The following COL24A1 variants were observed in gnomAD, a reference collection of about 807,000 sequenced individuals.
COL24A1 encodes collagen alpha-1(XXIV) chain.
COL24A1 carries 224 observed loss-of-function variants against 253.9 expected under a neutral mutation model. The observed-to-expected ratio is 0.88, with a 90% confidence interval of 0.79 to 0.99. COL24A1 has a LOEUF of 0.99. COL24A1 is among the 50% of genes least tolerant of loss of function. The pLI, the probability that COL24A1 is intolerant of heterozygous loss-of-function variation, is 0.00. For missense variants in COL24A1, 2,131 were observed against 2,068.5 expected, an observed-to-expected ratio of 1.03 and a Z score of -0.59; for synonymous variants, 685 against 673.7, an observed-to-expected ratio of 1.02 and a Z score of -0.26.
chr1:85,866,020 T>C (rs1171358715), intron 37 of COL24A1, among the ~76,000 whole-genome samples: 1 of 152,248 alleles, frequency 6.6e-6, no homozygotes, highest in Non-Finnish European at 1.5e-5. Context: ...CCCAGCACTT[T>C]GGGAGGCCAA....
At chr1:86,059,442 T>C (rs1700912883) in intron 8 of COL24A1, among the ~76,000 whole-genome samples, 1 of 152,140 alleles carries the variant, frequency 6.6e-6, no homozygotes, top group Non-Finnish European at 1.5e-5. Context: ...AACAGACATT[T>C]ATTCTAGAGG....
chr1:85,851,816 G>A (rs114342555), intron 37 of COL24A1, among the ~76,000 whole-genome samples: 67 of 152,016 alleles, frequency 4.4e-4, no homozygotes, highest in African/African-American at 1.6e-3. Flanking sequence ...CTTATATTTT[G>A]TTCATTCCAT....
chr1:86,121,977 A>C (rs1177009301), intron 3 of COL24A1, among the ~76,000 whole-genome samples: 1 of 152,120 alleles, frequency 6.6e-6, no homozygotes, highest in Non-Finnish European at 1.5e-5. Flanking sequence ...AAGTAGGAAA[A>C]ACCAGGCTGG....
rs544295542 is a variant in COL24A1, at chr1:85,961,232, G to A, written c.2562+17C>T. The A allele has an allele frequency of 1.3e-6, 2 of 1,554,908 alleles. No individual in the cohort carries two copies. The highest frequency in any genetic ancestry group is 1.1e-5 in the South Asian group (1 of 88,984). On this transcript the variant is annotated intron_variant, in intron 24 of 59. Coordinates refer to ENST00000370571, the MANE Select transcript of COL24A1 (RefSeq NM_152890.7). The stretch of plus-strand genomic sequence containing the variant: ...GCTTACAGCTGATTAAAAAATAAGA[G>A]CATAAAATAAGCTTACTGTTTCACC...
chr1:86,132,637 T>G lies in COL24A1; in HGVS notation c.122-6423A>C, dbSNP rs186822711. ...TTAAATAGGGAATCCTTTCCCCATT[T>G]CTTGTTTTTGTCAGATTTGTTAAAG... On this transcript the variant is annotated intron_variant, in intron 2 of 59. Transcript: ENST00000370571. Among the ~76,000 whole-genome samples the G allele has an allele frequency of 1.5e-3, 229 of 152,274 alleles. 1 individual carries two copies. Among genetic ancestry groups the G allele is most frequent in the African/African-American group, 5.3e-3 (221 of 41,552 alleles).
rs543765863 is a variant in COL24A1 at position 86,068,567 on chromosome 1, C to T, written c.1708-4808G>A. Among the ~76,000 whole-genome samples the T allele has an allele frequency of 4.6e-5, 7 of 152,246 alleles. No individual in the cohort carries two copies. In the East Asian group the frequency reaches 1.4e-3, roughly 29 times the overall value. On this transcript the variant is annotated intron_variant, in intron 7 of 59. Transcript: ENST00000370571. ...GGACACGACAACTGCAAATCCTAGG[C>T]TATTCCTAGTGCTAGGCTGGGCTTA...
At chr1:85,875,245 TAG>T (rs763751285) in intron 34 of COL24A1, 30 bp downstream of exon 34, 1 of 1,598,722 alleles carries the variant, frequency 6.3e-7, no homozygotes, top group Non-Finnish European at 8.6e-7. Flanking sequence ...GGTGAAAGTT[TAG>T]AGATTCTCCT....
chr1:85,784,791 T>C lies in COL24A1; in HGVS notation c.4060-425A>G, dbSNP rs562517133. Among the ~76,000 whole-genome samples the C allele has an allele frequency of 5.9e-5, 9 of 152,154 alleles. No homozygotes were observed. In the East Asian group the frequency reaches 1.4e-3, roughly 23 times the overall value. On this transcript the variant is annotated intron_variant, in intron 48 of 59. Coordinates refer to ENST00000370571, the MANE Select transcript of COL24A1 (RefSeq NM_152890.7). ...TGTTGCCCAGGCTGTAGTGCAGTGA[T>C]GTGATCATGGCTTACTGCAGCCTTA...
chr1:85,761,189 G>A (rs1285990822), intron 55 of COL24A1, among the ~76,000 whole-genome samples: 1 of 152,142 alleles, frequency 6.6e-6, no homozygotes, highest in Admixed American at 6.6e-5. Flanking sequence ...AAGAAAGCAG[G>A]AGATACCATC....
intron 19 of COL24A1, among the ~76,000 whole-genome samples, chr1:86,008,562 C>A (rs947989048): frequency 6.6e-6 from 1 of 152,128 alleles, no homozygotes; most frequent in Non-Finnish European, 1.5e-5. Context: ...CATGAGGAAT[C>A]ACTATAATGT....
chr1:86,025,997 T>C (rs140953855), intron 14 of COL24A1, among the ~76,000 whole-genome samples: 6 of 152,328 alleles, frequency 3.9e-5, no homozygotes, highest in East Asian at 3.9e-4. Context: ...TAATCAATTA[T>C]AGCAGTAATC....
chr1:85,868,668 A>AAT, intron 36 of COL24A1, 42 bp from the exon 37 acceptor site: 1 of 1,544,382 alleles, frequency 6.5e-7, no homozygotes, highest in Non-Finnish European at 8.9e-7. Context: ...GAATACAGTG[A>AAT]AATAATTATG....
Position 86,126,051 on chromosome 1 carries a change from C to T in COL24A1, c.285G>A (p.Val95=), listed in dbSNP as rs1200847232. The T allele has an allele frequency of 4.3e-6, 7 of 1,613,612 alleles. No individual in the cohort carries two copies. Among genetic ancestry groups the T allele is most frequent in the Middle Eastern group, 1.7e-4 (1 of 6,060 alleles). ...GCCCCAAGTTGACTGGTAAAATTTT[C>T]ACGAAAGGTGTCTCGATATAAGCAT... The part of the protein sequence containing the change: ...KNDAYIETPF[V]KILPVNLGQP... The change falls in exon 3 of 60, where the codon GTG becomes GTA. Residue 95 remains valine, a synonymous_variant. Transcript: ENST00000370571.
At chr1:85,797,769 A>C (rs1009888855) in intron 47 of COL24A1, among the ~76,000 whole-genome samples, 5 of 152,204 alleles carry the variant, frequency 3.3e-5, no homozygotes, top group Admixed American at 1.3e-4. Context: ...AGTGCCTGGG[A>C]TACAGTAAGC....
At chr1:85,981,467 C>T (rs180883343) in intron 20 of COL24A1, among the ~76,000 whole-genome samples, 91 of 152,206 alleles carry the variant, frequency 6.0e-4, no homozygotes, top group Admixed American at 3.7e-3. Context: ...GCTGGATCCT[C>T]ATTTCTCATC....
At chr1:86,131,204 A>T (rs1475163028) in intron 2 of COL24A1, among the ~76,000 whole-genome samples, 2 of 152,022 alleles carry the variant, frequency 1.3e-5, no homozygotes, top group African/African-American at 4.8e-5. Flanking sequence ...AAATGCAGGA[A>T]TTTTATAAGA....
At chr1:86,144,441 A>C (rs1314660643) in intron 2 of COL24A1, among the ~76,000 whole-genome samples, 1 of 152,140 alleles carries the variant, frequency 6.6e-6, no homozygotes, top group Non-Finnish European at 1.5e-5. Context: ...TCTAAGGGAA[A>C]GAGTTTTGTC....
At chr1:85,973,059 T>A (rs1012444830) in intron 20 of COL24A1, among the ~76,000 whole-genome samples, 1 of 152,204 alleles carries the variant, frequency 6.6e-6, no homozygotes, top group African/African-American at 2.4e-5. Context: ...GATTTAGAAC[T>A]GCCTTCAATA....
chr1:86,070,175 T>C (rs1346900827), intron 7 of COL24A1, among the ~76,000 whole-genome samples: 5 of 151,980 alleles, frequency 3.3e-5, no homozygotes, highest in Admixed American at 3.3e-4. Context: ...AGTTGAAAAA[T>C]ACAACTGAAT....
Sources: gnomAD v4.1 joint callset for allele counts (sites outside exome capture counted in the v4.1 genomes callset) on GRCh38, gnomAD v4.1.1 for gene constraint, MANE v1.5 for transcripts, NCBI Gene and HGNC (gene_info 2026-07-23, HGNC 2026-07-21) for gene names.